DPP10: variants seen among roughly 807,000 people sequenced by gnomAD.
DPP10 encodes inactive dipeptidyl peptidase 10.
Under a neutral mutation model 120.9 loss-of-function variants are expected in DPP10, and 33 were observed. The observed-to-expected ratio is 0.27, with a 90% CI of 0.21 to 0.37. The LOEUF is 0.37. DPP10 is among the 10% of genes least tolerant of loss of function. The pLI is 1.00. For synonymous variants in DPP10, 337 were observed against 326.1 expected (o/e 1.03, Z -0.36); for missense variants, 816 against 942.8 (o/e 0.87, Z 1.76).
intron 1 of DPP10, among the ~76,000 whole-genome samples, chr2:114,448,312 A>G (rs1678054077): frequency 6.6e-6 from 1 of 152,172 alleles, no homozygotes; most frequent in South Asian, 2.1e-4. Flanking sequence ...TATTTATTTT[A>G]TTCTTGAGAA....
intron 1 of DPP10, among the ~76,000 whole-genome samples, chr2:115,063,865 C>A (rs1573477510): frequency 6.6e-6 from 1 of 152,210 alleles, no homozygotes; most frequent in Non-Finnish European, 1.5e-5. Flanking sequence ...GCAAAAATTT[C>A]ATGTTGATGC....
intron 4 of DPP10, among the ~76,000 whole-genome samples, chr2:115,520,623 C>T (rs549086118): frequency 1.7e-4 from 26 of 152,038 alleles, no homozygotes; most frequent in Non-Finnish European, 3.5e-4. Context: ...AAGGTTCTGC[C>T]GTTTCTCAAT....
At chr2:114,558,123 C>G (rs1688469841) in intron 1 of DPP10, among the ~76,000 whole-genome samples, 1 of 152,172 alleles carries the variant, frequency 6.6e-6, no homozygotes, top group South Asian at 2.1e-4. Flanking sequence ...ATAAACACTT[C>G]TAATGTAGTA....
intron 1 of DPP10, among the ~76,000 whole-genome samples, chr2:115,162,544 T>A (rs2052495193): frequency 6.6e-6 from 1 of 151,978 alleles, no homozygotes; most frequent in South Asian, 2.1e-4. Flanking sequence ...CGGGTGTGTG[T>A]TTGTGAGGTG....
chr2:115,123,515 T>A (rs142933028), intron 1 of DPP10, among the ~76,000 whole-genome samples: 5 of 152,292 alleles, frequency 3.3e-5, no homozygotes, highest in African/African-American at 1.2e-4. Flanking sequence ...TAAAGGAAGA[T>A]CATTTACTGG....
intron 3 of DPP10, among the ~76,000 whole-genome samples, chr2:115,381,348 C>T (rs2106470727): frequency 6.6e-6 from 1 of 152,312 alleles, no homozygotes; most frequent in East Asian, 1.9e-4. Flanking sequence ...ATCGCGTCGG[C>T]TCCTGAGGCT....
intron 1 of DPP10, among the ~76,000 whole-genome samples, chr2:115,256,178 C>A (rs1213528352): frequency 6.6e-6 from 1 of 152,164 alleles, no homozygotes; most frequent in Admixed American, 6.5e-5. Context: ...GAAGGGGAAG[C>A]AAACACGTCT....
At position 114,973,661 on chromosome 2, in the gene DPP10, CAAAAAAA is replaced by C. The variant is rs58042446; in HGVS notation, c.61-335562_61-335556del. Reference sequence around the variant, plus strand: ...TGGGCAACGGAGTGAGACTCCGTCTCAAAAAAAAAAAAAAAAAAAAAAGTTAACTGTA... The same window carrying C: ...TGGGCAACGGAGTGAGACTCCGTCTCAAAAAAAAAAAAAAAGTTAACTGTA... On this transcript the variant is annotated intron_variant, in intron 1 of 25. Coordinates refer to ENST00000410059, the MANE Select transcript of DPP10 (RefSeq NM_020868.6). Among the ~76,000 whole-genome samples, 19 of 70,996 alleles carry C rather than the reference CAAAAAAA, an allele frequency of 2.7e-4. 2 individuals are homozygous for C. The South Asian group carries it at 0.012, about 45-fold the overall frequency. The allele number at this position is 70,996 out of a possible 152,430, so 46.6% of individuals were successfully genotyped here. A position where few individuals can be genotyped will look rare whatever the true frequency, so the allele number is the denominator to read the frequency against.
chr2:115,627,129 G>A (rs1457039699), intron 5 of DPP10, among the ~76,000 whole-genome samples: 5 of 152,046 alleles, frequency 3.3e-5, no homozygotes. Context: ...AAAAATCCAA[G>A]AGTACATAGT....
intron 1 of DPP10, among the ~76,000 whole-genome samples, chr2:114,960,108 T>C (rs1316836570): frequency 6.6e-6 from 1 of 152,158 alleles, no homozygotes; most frequent in Non-Finnish European, 1.5e-5. Flanking sequence ...TAATATAACT[T>C]ACTGATACTA....
At chr2:114,509,758 G>T (rs997069524) in intron 1 of DPP10, among the ~76,000 whole-genome samples, 3 of 152,212 alleles carry the variant, frequency 2.0e-5, no homozygotes, top group African/African-American at 7.2e-5. Flanking sequence ...TTTGAAGGAA[G>T]TCATTTGTGA....
At chr2:114,561,832 C>A (rs1297658693) in intron 1 of DPP10, among the ~76,000 whole-genome samples, 1 of 152,158 alleles carries the variant, frequency 6.6e-6, no homozygotes, top group Non-Finnish European at 1.5e-5. Flanking sequence ...GCCTCTGACA[C>A]AAAACATTCT....
intron 1 of DPP10, among the ~76,000 whole-genome samples, chr2:114,647,970 G>T (rs1696266774): frequency 6.6e-6 from 1 of 152,022 alleles, no homozygotes; most frequent in African/African-American, 2.4e-5. Flanking sequence ...TATTTTCCAA[G>T]GAATATTTGT....
chr2:115,833,962 C>T (rs890507998), intron 21 of DPP10, among the ~76,000 whole-genome samples: 1 of 152,066 alleles, frequency 6.6e-6, no homozygotes, highest in Non-Finnish European at 1.5e-5. Context: ...ATACATTTAC[C>T]TACCTAAGGG....
chr2:115,095,243 T>C (rs984466811), intron 1 of DPP10, among the ~76,000 whole-genome samples: 4 of 152,212 alleles, frequency 2.6e-5, no homozygotes, highest in African/African-American at 9.6e-5. Context: ...GATTTAAGCA[T>C]GTCTGGAGCC....
rs112236395 is a variant in DPP10 at position 115,310,227 on chromosome 2, G to A, written c.175+874G>A. ...AATCAACTGATATTTTTAAATTATA[G>A]CCTGTTGTTGAATGCTATTTATTTC... On this transcript the variant is annotated intron_variant, in intron 2 of 25. Coordinates refer to ENST00000410059, the MANE Select transcript of DPP10 (RefSeq NM_020868.6). Among the ~76,000 whole-genome samples, 903 of 152,156 alleles carry A rather than the reference G, an allele frequency of 5.9e-3. 7 individuals carry two copies. The highest frequency in any genetic ancestry group is 0.02 in the African/African-American group (837 of 41,534).
chr2:115,196,637 G>T (rs962041719), intron 1 of DPP10, among the ~76,000 whole-genome samples: 1 of 152,120 alleles, frequency 6.6e-6, no homozygotes, highest in Non-Finnish European at 1.5e-5. Context: ...AACCATAAAA[G>T]AGACTCTTTT....
At chr2:114,785,747 CTT>C (rs1682713266) in intron 1 of DPP10, among the ~76,000 whole-genome samples, 1 of 152,090 alleles carries the variant, frequency 6.6e-6, no homozygotes, top group Non-Finnish European at 1.5e-5. Flanking sequence ...GAGCTGAAGA[CTT>C]TGTACAATAG....
At chr2:115,172,181 T>C (rs1249115935) in intron 1 of DPP10, among the ~76,000 whole-genome samples, 1 of 152,086 alleles carries the variant, frequency 6.6e-6, no homozygotes, top group Non-Finnish European at 1.5e-5. Context: ...TCTTGGGACA[T>C]TAATGGAAAC....
Sources: allele counts gnomAD v4.1 joint callset (sites outside exome capture counted in the v4.1 genomes callset), GRCh38; gene constraint gnomAD v4.1.1; transcripts MANE v1.5; gene names NCBI Gene and HGNC (gene_info 2026-07-23, HGNC 2026-07-21).